The following DIS3L2 variants were observed in gnomAD, a reference collection of about 807,000 sequenced individuals.
DIS3L2 encodes DIS3-like exonuclease 2.
Under a neutral mutation model 97.5 loss-of-function variants are expected in DIS3L2, and 34 were observed. The observed-to-expected ratio is 0.35, with a 90% CI of 0.27 to 0.46. The LOEUF (loss-of-function observed/expected upper bound fraction) is 0.46, where lower values mean the gene tolerates loss of function less well. Ranked by LOEUF, DIS3L2 falls within the 20% of genes least tolerant of loss-of-function variation. The probability of loss-of-function intolerance (pLI) is 1.00; values close to 1 mark genes in which losing one functional copy is unlikely to be tolerated. For missense variants in DIS3L2, 1,038 were observed against 1,146.0 expected (o/e 0.91, Z 1.36); for synonymous variants, 435 against 445.2 (o/e 0.98, Z 0.29).
At chr2:232,034,478 T>C (rs1466455212) in intron 5 of DIS3L2, among the ~76,000 whole-genome samples, 1 of 152,206 alleles carries the variant, frequency 6.6e-6, no homozygotes, top group Admixed American at 6.5e-5. Flanking sequence ...TCAGTTCTGC[T>C]CCGATCTTAG....
At chr2:232,329,785 T>TGCCGGGGGGGC in intron 14 of DIS3L2, 28 bp from the exon 15 acceptor site, 48 of 967,132 alleles carry the variant, frequency 5.0e-5, no homozygotes, top group Non-Finnish European at 6.3e-5. Context: ...ACCCCAGCGG[T>TGCCGGGGGGGC]CCCTCCCATC....
intron 15 of DIS3L2, 24 bp downstream of exon 15, chr2:232,330,020 G>A: frequency 6.3e-7 from 1 of 1,587,520 alleles, no homozygotes; most frequent in South Asian, 1.1e-5. Flanking sequence ...AGGATTCGGG[G>A]GAGGCCCTGC....
At chr2:232,091,470 C>G (rs1350108375) in intron 6 of DIS3L2, among the ~76,000 whole-genome samples, 1 of 152,146 alleles carries the variant, frequency 6.6e-6, no homozygotes, top group Non-Finnish European at 1.5e-5. Flanking sequence ...ATTAATGTTG[C>G]AAATGACAGG....
In DIS3L2 at chr2:232,155,668, C is replaced by T. The variant is rs115217060; in HGVS notation, c.951-7791C>T. Among the ~76,000 whole-genome samples, 106 of 151,962 alleles carry T rather than the reference C, an allele frequency of 7.0e-4. 1 individual carries two copies. The highest frequency in any genetic ancestry group is 2.1e-3 in the African/African-American group (85 of 41,392). On this transcript the variant is annotated intron_variant, in intron 8 of 20. Transcript: ENST00000325385. ...CTCTAGCTCCTTCCTTCAGTTATGC[C>T]GAAGGAAGGATCTAGAGATGAGGAA... is the stretch of plus-strand genomic sequence containing the variant.
At chr2:231,988,960 A>C (rs1574790217) in intron 1 of DIS3L2, among the ~76,000 whole-genome samples, 1 of 152,312 alleles carries the variant, frequency 6.6e-6, no homozygotes, top group African/African-American at 2.4e-5. Flanking sequence ...TGTTCAGTTG[A>C]TTATAGGTTC....
At chr2:232,012,888 C>T (rs1417191833) in intron 1 of DIS3L2, among the ~76,000 whole-genome samples, 1 of 152,190 alleles carries the variant, frequency 6.6e-6, no homozygotes, top group Admixed American at 6.5e-5. Context: ...CATTCTTGAA[C>T]ACTCCGTGTT....
At chr2:231,989,016 G>A (rs995491274) in intron 1 of DIS3L2, among the ~76,000 whole-genome samples, 1 of 152,162 alleles carries the variant, frequency 6.6e-6, no homozygotes, top group Non-Finnish European at 1.5e-5. Context: ...AATTGGCCAC[G>A]TGGATGAGCT....
chr2:231,999,530 A>G (rs1693823557), intron 1 of DIS3L2, among the ~76,000 whole-genome samples: 1 of 152,106 alleles, frequency 6.6e-6, no homozygotes, highest in Admixed American at 6.6e-5. Flanking sequence ...CCACTTTTCC[A>G]TATTTGTAAT....
chr2:232,285,629 T>C (rs555459914), intron 13 of DIS3L2, among the ~76,000 whole-genome samples: 2 of 152,224 alleles, frequency 1.3e-5, no homozygotes, highest in Non-Finnish European at 2.9e-5. Flanking sequence ...GCCAAGACTT[T>C]AGAGCCGTAT....
chr2:232,096,949 A>G (rs997610552), intron 6 of DIS3L2, among the ~76,000 whole-genome samples: 7 of 152,090 alleles, frequency 4.6e-5, no homozygotes, highest in African/African-American at 7.2e-5. Flanking sequence ...TGGTGAGGTT[A>G]TGTTTTCCCA....
At chr2:232,044,159 G>A (rs542939314) in intron 5 of DIS3L2, among the ~76,000 whole-genome samples, 247 of 152,216 alleles carry the variant, frequency 1.6e-3, no homozygotes, top group Non-Finnish European at 2.5e-3. Context: ...GTGTAAGAGA[G>A]TTCAGTTGGT....
intron 1 of DIS3L2, among the ~76,000 whole-genome samples, chr2:231,964,216 G>A (rs1358289301): frequency 2.6e-5 from 4 of 152,110 alleles, no homozygotes; most frequent in African/African-American, 2.4e-5. Flanking sequence ...TTTCTGTTCT[G>A]TTCCATTGTT....
chr2:232,286,542 A>G (rs952068939), intron 13 of DIS3L2, among the ~76,000 whole-genome samples: 1 of 152,220 alleles, frequency 6.6e-6, no homozygotes, highest in African/African-American at 2.4e-5. Context: ...TTGTTCCAGC[A>G]TGTCATGTTT....
At chr2:232,247,157 G>T (rs1248717329) in intron 11 of DIS3L2, among the ~76,000 whole-genome samples, 1 of 152,214 alleles carries the variant, frequency 6.6e-6, no homozygotes, top group East Asian at 1.9e-4. Flanking sequence ...TGATGTCATT[G>T]CAACAAGCAT....
At chr2:232,240,644 A>C (rs1043844134) in intron 11 of DIS3L2, among the ~76,000 whole-genome samples, 1 of 152,098 alleles carries the variant, frequency 6.6e-6, no homozygotes, top group Non-Finnish European at 1.5e-5. Flanking sequence ...GCCTAAATGC[A>C]ATGTTTAAGA....
At chr2:232,340,736 C>A (rs1471257402), downstream of DIS3L2, 1 of 470,712 alleles carries the variant, frequency 2.1e-6, no homozygotes, top group Admixed American at 2.3e-5. Context: ...GACAAAGAAC[C>A]CAACCTCAGA....
chr2:232,137,846 T>A (rs1698400424), intron 8 of DIS3L2, among the ~76,000 whole-genome samples: 1 of 152,218 alleles, frequency 6.6e-6, no homozygotes, highest in South Asian at 2.1e-4. Context: ...TCATCATTTT[T>A]AAGCCTAACT....
intron 13 of DIS3L2, among the ~76,000 whole-genome samples, chr2:232,275,046 AC>A (rs1444334430): frequency 6.6e-6 from 1 of 151,826 alleles, no homozygotes; most frequent in Admixed American, 6.6e-5. Flanking sequence ...CTTCCCACTA[AC>A]CCCTATCCTT....
intron 14 of DIS3L2, among the ~76,000 whole-genome samples, chr2:232,321,968 G>A (rs983660202): frequency 6.6e-6 from 1 of 152,218 alleles, no homozygotes; most frequent in African/African-American, 2.4e-5. Flanking sequence ...GGCTTGGCCG[G>A]GCAGGTGGAA....
Sources: gnomAD v4.1 joint callset for allele counts (sites outside exome capture counted in the v4.1 genomes callset) on GRCh38, gnomAD v4.1.1 for gene constraint, MANE v1.5 for transcripts, NCBI Gene and HGNC (gene_info 2026-07-23, HGNC 2026-07-21) for gene names.